RNF144A: variants seen among roughly 807,000 people sequenced by gnomAD.
RNF144A encodes ring finger protein 144A.
A neutral mutation model predicts 38.7 loss-of-function variants in RNF144A; 11 were observed. That is an observed-to-expected ratio of 0.28 (90% CI 0.18 to 0.47). The LOEUF (loss-of-function observed/expected upper bound fraction) is 0.47, where lower values mean the gene tolerates loss of function less well. Among genes scored for constraint, RNF144A ranks in the 20% least tolerant of loss-of-function variants. RNF144A has a pLI of 0.99. For synonymous variants in RNF144A, 149 were observed against 143.9 expected (o/e 1.04, Z -0.25); for missense variants, 316 against 377.2 (o/e 0.84, Z 1.34).
intron 1 of RNF144A, among the ~76,000 whole-genome samples, chr2:6,925,389 G>T (rs771288): frequency 0.2 from 30,271 of 152,090 alleles, 3,334 homozygotes; most frequent in Non-Finnish European, 0.25. Context: ...AAAAGAAAAA[G>T]AAATCTCTTT....
chr2:7,027,631 G>C (rs1281268395), intron 7 of RNF144A, among the ~76,000 whole-genome samples: 2 of 152,218 alleles, frequency 1.3e-5, no homozygotes, highest in Non-Finnish European at 2.9e-5. Context: ...TGGGGCATTG[G>C]CTCTTTCACC....
intron 1 of RNF144A, among the ~76,000 whole-genome samples, chr2:6,933,569 G>A (rs941060777): frequency 6.6e-6 from 1 of 151,842 alleles, no homozygotes; most frequent in African/African-American, 2.4e-5. Flanking sequence ...AAAGTCTTTA[G>A]CCTCTAAAAA....
rs1282428878 is a variant in RNF144A, at chr2:7,039,951, G to C, written c.*191G>C. 1 of 1,405,160 alleles carries C rather than the reference G, an allele frequency of 7.1e-7. No individual in the cohort carries two copies. The highest frequency in any genetic ancestry group is 2.7e-5 in the East Asian group (1 of 37,460). 87.0% of individuals were successfully genotyped at this position (1,405,160 alleles called of 1,614,324 possible). A position where few individuals can be genotyped will look rare whatever the true frequency, so the allele number is the denominator to read the frequency against. ...TTCGCTGAGGCCCCAGGTGTGGTGG[G>C]GAGGGGAGGCAGGTGTGGGTAGCGC... On this transcript the variant is annotated 3_prime_UTR_variant, in exon 9 of 9. Transcript: ENST00000320892.
chr2:6,942,337 A>T (rs537569665), intron 2 of RNF144A, among the ~76,000 whole-genome samples: 4 of 151,606 alleles, frequency 2.6e-5, no homozygotes, highest in Non-Finnish European at 4.4e-5. Flanking sequence ...AGGGTGGAGG[A>T]CAAGGGTGTA....
intron 2 of RNF144A, among the ~76,000 whole-genome samples, chr2:6,964,393 CT>C (rs113954806): frequency 0.011 from 1,628 of 152,290 alleles, 30 homozygotes; most frequent in African/African-American, 0.038. Flanking sequence ...TAGTTCAACC[CT>C]TGTGGAAGTC....
chr2:6,979,681 C>A (rs150057639), intron 2 of RNF144A, among the ~76,000 whole-genome samples: 10 of 152,190 alleles, frequency 6.6e-5, no homozygotes, highest in African/African-American at 2.4e-4. Context: ...GTGATGTGTA[C>A]ATGAAAAGAA....
In RNF144A at chr2:6,996,977, G is replaced by A; in HGVS notation, c.51G>A (p.Leu17=). Residue 17 remains leucine (L), a synonymous_variant, in exon 3 of 9, where the codon CTG becomes CTA. Transcript: ENST00000320892. ...CCTGGGACCTGGCCCTCGACCCGCT[G>A]GTGTCTTGCAAGCTCTGTCTTGGGG... ...RPTWDLALDP[L]VSCKLCLGEY... 6.2e-7 allele frequency: 1 copy of A among 1,614,094 alleles called. No homozygotes were observed. The highest frequency in any genetic ancestry group is 8.5e-7 in the Non-Finnish European group (1 of 1,179,958).
Position 6,943,688 on chromosome 2 carries a change from G to A in RNF144A, c.-12+2541G>A, listed in dbSNP as rs557515622. The stretch of plus-strand genomic sequence containing the variant: ...TTAGGAGGAACACGGATAGTTACCA[G>A]TGGGGATGGACCAAATGACAGATAC... On this transcript the variant is annotated intron_variant, in intron 2 of 8. Transcript: ENST00000320892. The surrounding 1 kb of genome is among the most constrained non-coding windows in gnomAD (Gnocchi z 4.3). Among the ~76,000 whole-genome samples, 4 of 152,304 alleles carry A rather than the reference G, an allele frequency of 2.6e-5. No homozygotes were observed. The East Asian group carries it at 7.7e-4, about 29-fold the overall frequency.
At chr2:6,956,844 T>C (rs1381700550) in intron 2 of RNF144A, among the ~76,000 whole-genome samples, 2 of 152,158 alleles carry the variant, frequency 1.3e-5, no homozygotes, top group Non-Finnish European at 2.9e-5. Flanking sequence ...ACTTGCAAAT[T>C]ATTACTTATC....
chr2:6,967,419 A>C (rs1051291082), intron 2 of RNF144A, among the ~76,000 whole-genome samples: 1 of 152,222 alleles, frequency 6.6e-6, no homozygotes, highest in Admixed American at 6.5e-5. Context: ...GAACCGGCCC[A>C]GGGTCTTGTT....
At chr2:6,933,597 A>T (rs1467807523) in intron 1 of RNF144A, among the ~76,000 whole-genome samples, 1 of 152,198 alleles carries the variant, frequency 6.6e-6, no homozygotes, top group Non-Finnish European at 1.5e-5. Context: ...TTATAAATGC[A>T]GAGAATAAAA....
At chr2:6,975,857 G>T (rs1668279457) in intron 2 of RNF144A, among the ~76,000 whole-genome samples, 1 of 152,224 alleles carries the variant, frequency 6.6e-6, no homozygotes, top group Non-Finnish European at 1.5e-5. Flanking sequence ...TATCCATGCA[G>T]TGTTTATGTG....
chr2:6,996,142 C>A (rs1229016736), intron 2 of RNF144A, among the ~76,000 whole-genome samples: 2 of 152,212 alleles, frequency 1.3e-5, no homozygotes, highest in Middle Eastern at 6.3e-3. Flanking sequence ...TGTTGGACGT[C>A]TACCTTCTTT....
At chr2:6,986,607 G>A (rs1302679249) in intron 2 of RNF144A, among the ~76,000 whole-genome samples, 2 of 152,188 alleles carry the variant, frequency 1.3e-5, no homozygotes, top group Non-Finnish European at 2.9e-5. Flanking sequence ...TCACTTCAGG[G>A]CAGGGAACCC....
At chr2:7,060,951 C>T (rs1673929314) in intron 6 of RNF144A, among the ~76,000 whole-genome samples, 1 of 152,096 alleles carries the variant, frequency 6.6e-6, no homozygotes, top group Non-Finnish European at 1.5e-5. Context: ...GGACCTGAGT[C>T]TAATAGTTTG....
chr2:6,927,020 C>T (rs1036904920), intron 1 of RNF144A, among the ~76,000 whole-genome samples: 1 of 152,178 alleles, frequency 6.6e-6, no homozygotes, highest in African/African-American at 2.4e-5. Context: ...ACTTGCGGTA[C>T]TTTGTTGAGT....
At chr2:6,979,647 C>A (rs1668514338) in intron 2 of RNF144A, among the ~76,000 whole-genome samples, 1 of 151,998 alleles carries the variant, frequency 6.6e-6, no homozygotes, top group Non-Finnish European at 1.5e-5. Flanking sequence ...AATGAGCCTT[C>A]CAGGCTCCAC....
intron 2 of RNF144A, among the ~76,000 whole-genome samples, chr2:6,975,315 G>A (rs555694652): frequency 6.6e-6 from 1 of 152,138 alleles, no homozygotes; most frequent in Non-Finnish European, 1.5e-5. Context: ...CTACCCCCAT[G>A]CTTCCCACCG....
At chr2:7,032,613 C>T (rs1476700421) in intron 8 of RNF144A, among the ~76,000 whole-genome samples, 1 of 152,230 alleles carries the variant, frequency 6.6e-6, no homozygotes, top group East Asian at 1.9e-4. Flanking sequence ...CTGCAATCCT[C>T]CGTCTTCCTC....
Sources: gnomAD v4.1 joint callset for allele counts (sites outside exome capture counted in the v4.1 genomes callset) on GRCh38, gnomAD v4.1.1 for gene constraint, Gnocchi (gnomAD v3.1) non-coding constraint, MANE v1.5 for transcripts, NCBI Gene and HGNC (gene_info 2026-07-23, HGNC 2026-07-21) for gene names.